LASP1: variants seen among roughly 807,000 people sequenced by gnomAD.
LASP1 encodes the protein LIM and SH3 domain protein 1.
In LASP1, 10 loss-of-function variants were observed where a neutral mutation model predicts 38.6. That is an observed-to-expected ratio of 0.26 (90% CI 0.16 to 0.44). The LOEUF (loss-of-function observed/expected upper bound fraction) is 0.44. Among genes scored for constraint, LASP1 ranks in the 20% least tolerant of loss-of-function variants. The pLI is 1.00. For synonymous variants in LASP1, 132 were observed against 140.8 expected (o/e 0.94, Z 0.44); for missense variants, 243 against 375.7 (o/e 0.65, Z 2.92).
intron 4 of LASP1, among the ~76,000 whole-genome samples, chr17:38,899,745 A>ATTTTTTTTTTTTT (rs1567701005): frequency 3.0e-5 from 3 of 98,628 alleles, no homozygotes; most frequent in African/African-American, 1.1e-4. Context: ...GGGCGTTCAG[A>ATTTTTTTTTTTTT]TCTTTTTTTT....
intron 4 of LASP1, among the ~76,000 whole-genome samples, chr17:38,912,413 G>A (rs1244303407): frequency 6.6e-6 from 1 of 151,724 alleles, no homozygotes; most frequent in Non-Finnish European, 1.5e-5. Context: ...GGTGCCATAG[G>A]GTCAGAGTAG....
At chr17:38,881,690 A>G (rs1913956892) in intron 2 of LASP1, among the ~76,000 whole-genome samples, 1 of 152,224 alleles carries the variant, frequency 6.6e-6, no homozygotes, top group Admixed American at 6.5e-5. Context: ...AGCCCAGTGC[A>G]GGACCCGTAG....
At chr17:38,894,857 C>T (rs1914441317) in intron 3 of LASP1, among the ~76,000 whole-genome samples, 1 of 152,140 alleles carries the variant, frequency 6.6e-6, no homozygotes, top group South Asian at 2.1e-4. Context: ...CTCGCCTCCA[C>T]CTCCTGAATA....
intron 1 of LASP1, among the ~76,000 whole-genome samples, chr17:38,871,852 C>T (rs1405785864): frequency 1.3e-5 from 2 of 152,024 alleles, no homozygotes; most frequent in Non-Finnish European, 2.9e-5. Flanking sequence ...CCATGCCAGC[C>T]GCTGTTGGGC....
intron 4 of LASP1, among the ~76,000 whole-genome samples, chr17:38,905,098 G>T (rs1367452020): frequency 6.6e-6 from 1 of 152,078 alleles, no homozygotes; most frequent in Non-Finnish European, 1.5e-5. Flanking sequence ...TTGCTATATA[G>T]TATTCCATTG....
chr17:38,892,606 A>T (rs1209090975), intron 3 of LASP1, among the ~76,000 whole-genome samples: 1 of 151,482 alleles, frequency 6.6e-6, no homozygotes, highest in Non-Finnish European at 1.5e-5. Flanking sequence ...CTCAGGGGAG[A>T]AATTCAAACC....
intron 2 of LASP1, among the ~76,000 whole-genome samples, chr17:38,884,776 C>T (rs1177036643): frequency 2.8e-5 from 4 of 145,290 alleles, no homozygotes; most frequent in African/African-American, 1.0e-4. Context: ...CTACAACCTC[C>T]GCTTCCCGGG....
chr17:38,900,836 C>T (rs1234626475), intron 4 of LASP1, among the ~76,000 whole-genome samples: 1 of 152,232 alleles, frequency 6.6e-6, no homozygotes, highest in African/African-American at 2.4e-5. Context: ...TCCCCTCCAA[C>T]TTCCAGAGGC....
chr17:38,898,889 C>T, intron 4 of LASP1: 1 of 392,174 alleles, frequency 2.5e-6, no homozygotes, highest in South Asian at 1.8e-5. Flanking sequence ...CTGGCCTCCC[C>T]TGGTCTGCGC....
At chr17:38,876,679 C>T (rs375947210) in intron 1 of LASP1, among the ~76,000 whole-genome samples, 2 of 151,448 alleles carry the variant, frequency 1.3e-5, no homozygotes, top group East Asian at 3.9e-4. Context: ...TGTTCTCTTT[C>T]TGTCATCACT....
intron 5 of LASP1, 55 bp from the exon 6 acceptor site, chr17:38,914,988 G>T: frequency 3.9e-6 from 6 of 1,553,422 alleles, no homozygotes; most frequent in Non-Finnish European, 4.4e-6. Flanking sequence ...GGAGCTCTGG[G>T]AGGGGCTGGG....
intron 4 of LASP1, 122 bp from the exon 5 acceptor site, chr17:38,914,203 A>C: frequency 8.5e-7 from 1 of 1,178,086 alleles, no homozygotes; most frequent in South Asian, 1.4e-5. Flanking sequence ...CCAGAGCGAG[A>C]CCTGGCTTTC....
intron 6 of LASP1, chr17:38,916,287 T>G (rs1228493960): frequency 6.6e-6 from 1 of 150,746 alleles, no homozygotes; most frequent in Non-Finnish European, 1.5e-5. Context: ...TGGCCGGGGG[T>G]GGTGGCTCAC....
At chr17:38,885,032 G>C (rs1049879355) in intron 2 of LASP1, among the ~76,000 whole-genome samples, 5 of 152,168 alleles carry the variant, frequency 3.3e-5, no homozygotes, top group Admixed American at 3.3e-4. Flanking sequence ...AGCAGGTGTG[G>C]CTGAGAGGCC....
chr17:38,897,793 C>G (rs1914529444), intron 3 of LASP1, among the ~76,000 whole-genome samples: 1 of 152,202 alleles, frequency 6.6e-6, no homozygotes. Context: ...GGAGCCTTCC[C>G]TGGGGCTGTC....
intron 1 of LASP1, among the ~76,000 whole-genome samples, chr17:38,872,178 A>G (rs1172335429): frequency 1.3e-5 from 2 of 152,244 alleles, no homozygotes; most frequent in Admixed American, 6.5e-5. Flanking sequence ...TCAGATGGGT[A>G]TGATGATGTC....
chr17:38,908,536 G>C (rs759086640), intron 4 of LASP1, among the ~76,000 whole-genome samples: 1 of 152,236 alleles, frequency 6.6e-6, no homozygotes, highest in Non-Finnish European at 1.5e-5. Context: ...GCCTGGCCAG[G>C]GTTGGCTGCC....
At chr17:38,870,488 G>A (rs1913568413) in intron 1 of LASP1, among the ~76,000 whole-genome samples, 1 of 152,230 alleles carries the variant, frequency 6.6e-6, no homozygotes, top group Non-Finnish European at 1.5e-5. Flanking sequence ...CTGGAGAGGG[G>A]TGGGCTCTGT....
At chr17:38,906,320 G>T (rs1914774904) in intron 4 of LASP1, among the ~76,000 whole-genome samples, 1 of 151,936 alleles carries the variant, frequency 6.6e-6, no homozygotes, top group African/African-American at 2.4e-5. Flanking sequence ...TTGAGGCCAG[G>T]AGTTTGAGAT....
Sources: allele counts gnomAD v4.1 joint callset (sites outside exome capture counted in the v4.1 genomes callset), GRCh38; gene constraint gnomAD v4.1.1; transcripts MANE v1.5; gene names NCBI Gene and HGNC (gene_info 2026-07-23, HGNC 2026-07-21).